The following HELQ variants were observed in gnomAD, a reference collection of about 807,000 sequenced individuals.
HELQ encodes helicase, POLQ like, also known as helicase POLQ-like.
In HELQ, 77 loss-of-function variants were observed where a neutral mutation model predicts 111.6. That is an observed-to-expected ratio of 0.69 (90% CI 0.57 to 0.83). The LOEUF is 0.83. Among genes scored for constraint, HELQ ranks in the 40% least tolerant of loss-of-function variants. HELQ has a pLI of 0.00. For synonymous variants in HELQ, 438 were observed against 454.7 expected (o/e 0.96, Z 0.47); for missense variants, 1,200 against 1,288.5 (o/e 0.93, Z 1.05).
Position 83,448,961 on chromosome 4 carries a change from T to C in HELQ, c.1013A>G (p.Glu338Gly). 2.0e-6 allele frequency: 3 copies of C among 1,524,692 alleles called. No homozygotes were observed. Among genetic ancestry groups the C allele is most frequent in the Non-Finnish European group, 2.6e-6 (3 of 1,139,464 alleles). 94.4% of individuals were successfully genotyped at this position (1,524,692 alleles called of 1,614,324 possible). A position where few individuals can be genotyped will look rare whatever the true frequency, so the allele number is the denominator to read the frequency against. Residue 338 changes from glutamate to glycine, a missense_variant and splice_region_variant, in exon 3 of 18, where the codon GAA (glutamate) becomes GGA (glycine). Around this residue, in one of 3 missense-constraint regions of HELQ, gnomAD observed 610 missense variants for 607.1 expected, o/e 1.00. Transcript: ENST00000295488. ...CAATGTTAAACAAGTATGTTGCCATTCTGTGGAATTAAAAAAAAAAAGGCA... is the reference window on the plus strand; with the variant it reads ...CAATGTTAAACAAGTATGTTGCCATCCTGTGGAATTAAAAAAAAAAAGGCA... The part of the protein sequence containing the change: ...AQFKGIEKLY[E>G]WQHTCLTLNS...
chr4:83,455,845 C>T, upstream of HELQ: 2 of 813,810 alleles, frequency 2.5e-6, no homozygotes, highest in South Asian at 1.6e-5. Context: ...ACCGGAAGCA[C>T]GCATAAACTT....
intron 9 of HELQ, 105 bp downstream of exon 9, chr4:83,436,753 T>C (rs1049548130): frequency 1.2e-5 from 15 of 1,210,314 alleles, no homozygotes; most frequent in African/African-American, 1.1e-4. Context: ...AAAAGAACAT[T>C]TGATAAATTC....
chr4:83,441,592 T>C (rs2110001434), intron 6 of HELQ, among the ~76,000 whole-genome samples, 189 bp from the exon 7 acceptor site: 1 of 152,254 alleles, frequency 6.6e-6, no homozygotes, highest in East Asian at 1.9e-4. Flanking sequence ...GGTCTCTTTT[T>C]CCCTTAAAAT....
chr4:83,453,769 G>A lies in HELQ; in HGVS notation c.474C>T (p.Ser158=). Reference sequence around the variant, plus strand: ...CAGTAAGGTTGCCTATGGTAGTAATGCTGAGTTTGTTTTTGATACTTTCCG... The same window carrying A: ...CAGTAAGGTTGCCTATGGTAGTAATACTGAGTTTGTTTTTGATACTTTCCG... ...LCSESIKNKL[S]ITTIGNLTEL... Residue 158 remains serine, a synonymous_variant, in exon 2 of 18, where the codon AGC becomes AGT. Transcript: ENST00000295488. The A allele has an allele frequency of 4.3e-6, 7 of 1,614,168 alleles. No individual in the cohort carries two copies. The highest frequency in any genetic ancestry group is 5.9e-6 in the Non-Finnish European group (7 of 1,180,038).
In HELQ at chr4:83,436,868, G is replaced by A. The variant is rs370207621; in HGVS notation, c.2038C>T (p.Pro680Ser). Reference protein sequence around the residue: ...TSTLAAGVNLPARRVILRAPY... With the variant: ...TSTLAAGVNLSARRVILRAPY... ...TTACTTATCTCTTACCTTCGAGCTG[G>A]TAGGTTGACACCTGCCGCTAGGGTA... Residue 680 changes from proline (P) to serine (S), a missense_variant, in exon 9 of 18, where the codon CCA (proline) becomes TCA (serine). By Grantham distance (74) the Pro-to-Ser change is moderately conservative. Around this residue, in one of 3 missense-constraint regions of HELQ, gnomAD observed 585 missense variants for 665.3 expected, o/e 0.88. Coordinates refer to ENST00000295488, the MANE Select transcript of HELQ (RefSeq NM_133636.5). 1 of 1,613,218 alleles carries A rather than the reference G, an allele frequency of 6.2e-7. No individual in the cohort carries two copies. The highest frequency in any genetic ancestry group is 8.5e-7 in the Non-Finnish European group (1 of 1,179,654).
chr4:83,431,737 T>G lies in HELQ; in HGVS notation c.2222A>C (p.Asn741Thr). The change falls in exon 11 of 18, where the codon AAC (asparagine) becomes ACC (threonine). Residue 741 changes from asparagine (N) to threonine (T), a missense_variant. Around this residue, in one of 3 missense-constraint regions of HELQ, gnomAD observed 585 missense variants for 665.3 expected, o/e 0.88. Transcript: ENST00000295488. ...TTCCTGAACAAGATGGCTGTAACAGTTTTCCAATGGTTTAGTTATTAACTC... is the reference window on the plus strand; with the variant it reads ...TTCCTGAACAAGATGGCTGTAACAGGTTTCCAATGGTTTAGTTATTAACTC... ...VLELITKPLE[N>T]CYSHLVQEFT... is the part of the protein sequence containing the mutation. 6.5e-7 allele frequency: 1 copy of G among 1,536,226 alleles called. No homozygotes were observed. Among genetic ancestry groups the G allele is most frequent in the Non-Finnish European group, 8.8e-7 (1 of 1,138,116 alleles).
chr4:83,443,643 T>C, intron 5 of HELQ, 29 bp from the exon 6 acceptor site: 1 of 1,025,674 alleles, frequency 9.7e-7, no homozygotes, highest in Non-Finnish European at 1.5e-6. Context: ...AAAGCCAAAG[T>C]GTTAAGGAAA....
chr4:83,426,098 T>C lies in HELQ; in HGVS notation c.2677-6A>G. 2.0e-6 allele frequency: 3 copies of C among 1,513,126 alleles called. No individual in the cohort carries two copies. Among genetic ancestry groups the C allele is most frequent in the East Asian group, 2.3e-5 (1 of 44,092 alleles). The allele number at this position is 1,513,126 out of a possible 1,614,324, so 93.7% of individuals were successfully genotyped here. ...GCTGGACTGAGTTGGCTAAACTACA[T>C]GGAAAAAGAGCAAATAGATGGAAAC... On this transcript the variant is annotated splice_region_variant and splice_polypyrimidine_tract_variant and intron_variant, in intron 13 of 17. Coordinates refer to ENST00000295488, the MANE Select transcript of HELQ (RefSeq NM_133636.5).
At position 83,446,083 on chromosome 4, in the gene HELQ, G is replaced by A; in HGVS notation, c.1396C>T (p.His466Tyr). 1 of 1,611,610 alleles carries A rather than the reference G, an allele frequency of 6.2e-7. No homozygotes were observed. Among genetic ancestry groups the A allele is most frequent in the Non-Finnish European group, 8.5e-7 (1 of 1,178,216 alleles). The change falls in exon 5 of 18, where the codon CAC (histidine) becomes TAC (tyrosine). Residue 466 changes from histidine (H) to tyrosine (Y), a missense_variant. Physicochemically the swap from His to Tyr is moderately conservative, Grantham distance 83. Transcript: ENST00000295488. ...CCACGGCTTCCTTCACCAATCATGT[G>A]CAACTTCGAGATTTTTTTTAAAAAG... ...SLGLVVVDEL[H>Y]MIGEGSRGAT...
intron 2 of HELQ, among the ~76,000 whole-genome samples, chr4:83,452,283 C>A (rs997042234): frequency 6.6e-6 from 1 of 151,358 alleles, no homozygotes; most frequent in Non-Finnish European, 1.5e-5. Context: ...CATCAGCTAT[C>A]GTGTTACTGT....
At chr4:83,438,354 A>T (rs1461278970) in intron 8 of HELQ, among the ~76,000 whole-genome samples, 1 of 152,214 alleles carries the variant, frequency 6.6e-6, no homozygotes, top group Non-Finnish European at 1.5e-5. Context: ...GACAGAGCCA[A>T]TATTAAGATA....
chr4:83,451,123 G>GT lies in HELQ; in HGVS notation c.1012+2107dup, dbSNP rs1305758434. ...TCATGTTATTAAGCCAGATTTAGAG[G>GT]TAAAAAGATTTAAAAAGTTGTTATT... On this transcript the variant is annotated intron_variant, in intron 2 of 17. Transcript: ENST00000295488. Among the ~76,000 whole-genome samples the GT allele has an allele frequency of 2.6e-5, 4 of 152,202 alleles. No individual in the cohort carries two copies. The East Asian group carries it at 7.7e-4, about 29-fold the overall frequency.
chr4:83,448,330 G>A (rs182967024), intron 3 of HELQ, among the ~76,000 whole-genome samples: 24 of 152,304 alleles, frequency 1.6e-4, no homozygotes, highest in Admixed American at 5.2e-4. Flanking sequence ...TTTAGGTAGT[G>A]TATACTGCTT....
chr4:83,448,576 A>G (rs1721175330), intron 3 of HELQ, among the ~76,000 whole-genome samples: 1 of 151,560 alleles, frequency 6.6e-6, no homozygotes, highest in African/African-American at 2.4e-5. Context: ...AGGCTGAGGC[A>G]GGAGAATCGC....
At position 83,453,802 on chromosome 4, in the gene HELQ, A is replaced by AT; in HGVS notation, c.440dup (p.Asn147LysfsTer21). 6.2e-7 allele frequency: 1 copy of AT among 1,614,086 alleles called. No homozygotes were observed. Among genetic ancestry groups the AT allele is most frequent in the Non-Finnish European group, 8.5e-7 (1 of 1,180,008 alleles). ...TGTTTTTGATACTTTCCGAGCAAAG[A>AT]TTTTCAGTGGCAAAGTCTGTAGCAT... On this transcript the variant is annotated frameshift_variant, in exon 2 of 18. Transcript: ENST00000295488. LOFTEE classifies it high-confidence loss of function.
intron 3 of HELQ, among the ~76,000 whole-genome samples, chr4:83,447,958 C>T (rs1721139414): frequency 6.6e-6 from 1 of 151,612 alleles, no homozygotes. Context: ...ACCTGTAATC[C>T]CAGCACTTTG....
chr4:83,408,306 C>T (rs763156352), intron 17 of HELQ, among the ~76,000 whole-genome samples: 5 of 152,058 alleles, frequency 3.3e-5, no homozygotes, highest in Non-Finnish European at 7.4e-5. Flanking sequence ...GGCTGGAGCA[C>T]GGTGGCGTGA....
At chr4:83,408,365 G>A (rs556171232) in intron 17 of HELQ, among the ~76,000 whole-genome samples, 1 of 152,054 alleles carries the variant, frequency 6.6e-6, no homozygotes, top group South Asian at 2.1e-4. Flanking sequence ...GATTCAGAAG[G>A]CCTCAGCCTT....
intron 7 of HELQ, among the ~76,000 whole-genome samples, 161 bp from the exon 8 acceptor site, chr4:83,440,169 C>T (rs978250666): frequency 6.6e-6 from 1 of 151,948 alleles, no homozygotes; most frequent in African/African-American, 2.4e-5. Flanking sequence ...CTATATTAAA[C>T]ATCAAAATGT....
Sources: gnomAD v4.1 joint callset for allele counts (sites outside exome capture counted in the v4.1 genomes callset) on GRCh38, gnomAD v4.1.1 for gene constraint, gnomAD v4.1.1 regional missense constraint, MANE v1.5 for transcripts, NCBI Gene and HGNC (gene_info 2026-07-23, HGNC 2026-07-21) for gene names.